The following SCGN variants were observed in gnomAD, a reference collection of about 807,000 sequenced individuals.
SCGN encodes secretagogin.
A neutral mutation model predicts 39.7 loss-of-function variants in SCGN; 30 were observed. The ratio of observed to expected loss-of-function variants is 0.76; its 90% CI spans 0.57 to 1.03. The LOEUF is 1.03. SCGN is among the 50% of genes least tolerant of loss of function. The probability of loss-of-function intolerance (pLI) is 0.00; values close to 1 mark genes in which losing one functional copy is unlikely to be tolerated. For missense variants in SCGN, 353 were observed against 349.4 expected, an observed-to-expected ratio of 1.01 and a Z score of -0.08; for synonymous variants, 106 against 114.1, an observed-to-expected ratio of 0.93 and a Z score of 0.45.
intron 9 of SCGN, 98 bp downstream of exon 9, chr6:25,689,630 A>C: frequency 1.1e-6 from 1 of 934,080 alleles, no homozygotes; most frequent in Non-Finnish European, 1.7e-6. Flanking sequence ...CTAAACTTAC[A>C]TGATGAATAC....
intron 10 of SCGN, among the ~76,000 whole-genome samples, chr6:25,697,350 G>A: frequency 6.6e-6 from 1 of 152,158 alleles, no homozygotes; most frequent in Admixed American, 6.5e-5. Flanking sequence ...CATGGTTACA[G>A]AATAAGGTTC....
Position 25,669,530 on chromosome 6 carries a change from C to T in SCGN, c.356C>T (p.Ala119Val). The change falls in exon 5 of 11, where the codon GCT becomes GTT. Residue 119 changes from alanine (A) to valine (V), a missense_variant. Coordinates refer to ENST00000377961, the MANE Select transcript of SCGN (RefSeq NM_006998.4). ...EFMQIWRKYD[A>V]DSSGFISAAE... ...TTTCAGATTTGGCGCAAATATGACGCTGACAGCAGTGGCTTTATATCAGCT... is the reference window on the plus strand; with the variant it reads ...TTTCAGATTTGGCGCAAATATGACGTTGACAGCAGTGGCTTTATATCAGCT... 1 of 1,613,638 alleles carries T rather than the reference C, an allele frequency of 6.2e-7. No individual in the cohort carries two copies. The highest frequency in any genetic ancestry group is 8.5e-7 in the Non-Finnish European group (1 of 1,179,632).
At chr6:25,660,122 C>T (rs371090081) in intron 2 of SCGN, among the ~76,000 whole-genome samples, 22 of 152,276 alleles carry the variant, frequency 1.4e-4, no homozygotes, top group East Asian at 9.7e-4. Flanking sequence ...CTCCCAGGGC[C>T]GTTGTGAAGA....
In SCGN at chr6:25,684,328, A is replaced by G. The variant is rs147681393; in HGVS notation, c.527+2322A>G. Among the ~76,000 whole-genome samples, 36 of 152,268 alleles carry G rather than the reference A, an allele frequency of 2.4e-4. No individual in the cohort carries two copies. In the East Asian group the frequency reaches 6.9e-3, roughly 29 times the overall value. On this transcript the variant is annotated intron_variant, in intron 7 of 10. Transcript: ENST00000377961. Reference sequence around the variant, plus strand: ...TAGTATAGTACAGTCTTCCCTAAGTATCCTCTGGGGATTGGTTCCAGAACC... The same window carrying G: ...TAGTATAGTACAGTCTTCCCTAAGTGTCCTCTGGGGATTGGTTCCAGAACC...
chr6:25,670,687 G>A (rs1391361535), intron 6 of SCGN, among the ~76,000 whole-genome samples: 3 of 152,204 alleles, frequency 2.0e-5, no homozygotes, highest in African/African-American at 7.2e-5. Flanking sequence ...AGCTCTTATT[G>A]CAGTAGTTGT....
In SCGN at chr6:25,652,452, T is replaced by G; in HGVS notation, c.49T>G (p.Phe17Val). 1 of 1,614,136 alleles carries G rather than the reference T, an allele frequency of 6.2e-7. No individual in the cohort carries two copies. Residue 17 changes from phenylalanine (F) to valine (V), a missense_variant, in exon 1 of 11, where the codon TTC becomes GTC. Coordinates refer to ENST00000377961, the MANE Select transcript of SCGN (RefSeq NM_006998.4). ...PTLGRLDAAG[F>V]WQVWQRFDAD... ...TCTGGGGCGCTTGGACGCCGCTGGC[T>G]TCTGGCAGGTCTGGCAGCGCTTTGA...
chr6:25,696,432 A>C (rs752081256), intron 10 of SCGN, among the ~76,000 whole-genome samples: 1 of 152,152 alleles, frequency 6.6e-6, no homozygotes, highest in Non-Finnish European at 1.5e-5. Flanking sequence ...TAATATTAAC[A>C]GTCATTCAGT....
intron 6 of SCGN, among the ~76,000 whole-genome samples, chr6:25,677,647 T>C (rs1759581993): frequency 6.6e-6 from 1 of 152,236 alleles, no homozygotes; most frequent in Admixed American, 6.5e-5. Context: ...ATAGTTGTGA[T>C]ATATGTGTGT....
intron 2 of SCGN, among the ~76,000 whole-genome samples, chr6:25,658,152 G>T (rs1666677258): frequency 6.7e-6 from 1 of 149,892 alleles, no homozygotes; most frequent in South Asian, 2.1e-4. Context: ...CTATTCTCCT[G>T]CCTCAGCCTC....
At chr6:25,696,486 A>C (rs1759839475) in intron 10 of SCGN, among the ~76,000 whole-genome samples, 1 of 152,196 alleles carries the variant, frequency 6.6e-6, no homozygotes, top group South Asian at 2.1e-4. Context: ...AATTTACTTA[A>C]ACATTCCCCT....
At chr6:25,671,119 TGTACCACCAG>T (rs1266641517) in intron 6 of SCGN, among the ~76,000 whole-genome samples, 11 of 152,248 alleles carry the variant, frequency 7.2e-5, no homozygotes, top group South Asian at 2.1e-4. Flanking sequence ...TGTTAAAATG[TGTACCACCAG>T]GTTGACATAT....
At chr6:25,669,490 A>C in intron 4 of SCGN, 21 bp from the exon 5 acceptor site, 1 of 1,604,982 alleles carries the variant, frequency 6.2e-7, no homozygotes, top group Non-Finnish European at 8.5e-7. Context: ...TAAATTAATT[A>C]GTGACTTTTG....
intron 3 of SCGN, among the ~76,000 whole-genome samples, chr6:25,664,028 A>T (rs537073974): frequency 4.8e-4 from 73 of 152,328 alleles, no homozygotes; most frequent in African/African-American, 1.7e-3. Context: ...GACAACATAC[A>T]CTACAATACT....
At chr6:25,654,666 T>C (rs917495453) in intron 2 of SCGN, among the ~76,000 whole-genome samples, 4 of 151,998 alleles carry the variant, frequency 2.6e-5, no homozygotes, top group Non-Finnish European at 4.4e-5. Flanking sequence ...CCTCTCCCCA[T>C]GTCTTTTATT....
chr6:25,674,475 A>T (rs1759540323), intron 6 of SCGN, among the ~76,000 whole-genome samples: 1 of 152,200 alleles, frequency 6.6e-6, no homozygotes, highest in African/African-American at 2.4e-5. Context: ...TTAGAAAATG[A>T]CTTCTGCATC....
At chr6:25,671,063 T>C (rs1467279440) in intron 6 of SCGN, among the ~76,000 whole-genome samples, 2 of 152,200 alleles carry the variant, frequency 1.3e-5, no homozygotes, top group Admixed American at 6.5e-5. Flanking sequence ...AATCACCTCA[T>C]TGAGCCTTAT....
At chr6:25,668,172 C>G (rs1302612620) in intron 4 of SCGN, among the ~76,000 whole-genome samples, 1 of 149,578 alleles carries the variant, frequency 6.7e-6, no homozygotes, top group Admixed American at 6.7e-5. Context: ...ATTGGTAACA[C>G]AGAACACAGT....
At chr6:25,666,209 A>T (rs976316727) in intron 4 of SCGN, among the ~76,000 whole-genome samples, 12 of 150,384 alleles carry the variant, frequency 8.0e-5, no homozygotes, top group Non-Finnish European at 1.5e-4. Context: ...TACAAAAACT[A>T]GCCGGGCATG....
chr6:25,693,451 C>CAAAAA, intron 10 of SCGN, among the ~76,000 whole-genome samples: 1 of 48,396 alleles, frequency 2.1e-5, no homozygotes, highest in Non-Finnish European at 3.7e-5. Flanking sequence ...GACTCCGTCT[C>CAAAAA]AAAAAAAAAA....
Sources: gnomAD v4.1 joint callset for allele counts (sites outside exome capture counted in the v4.1 genomes callset) on GRCh38, gnomAD v4.1.1 for gene constraint, MANE v1.5 for transcripts, NCBI Gene and HGNC (gene_info 2026-07-23, HGNC 2026-07-21) for gene names.